LINGO2: variants seen among roughly 807,000 people sequenced by gnomAD.
LINGO2 encodes leucine-rich repeat and immunoglobulin-like domain-containing nogo receptor-interacting protein 2.
LINGO2 carries 14 observed loss-of-function variants against 30.6 expected under a neutral mutation model. The ratio of observed to expected loss-of-function variants is 0.46; its 90% confidence interval spans 0.30 to 0.72. The LOEUF (loss-of-function observed/expected upper bound fraction) is 0.72. LINGO2 is among the 30% of genes least tolerant of loss of function. The pLI is 0.07. For missense variants in LINGO2, 729 were observed against 751.7 expected (o/e 0.97, Z 0.35); for synonymous variants, 317 against 288.5 (o/e 1.10, Z -1.00).
Position 28,017,843 on chromosome 9 carries a change from T to G in LINGO2, c.-86-5438A>C, listed in dbSNP as rs968343193. On this transcript the variant is annotated intron_variant, in intron 4 of 5. Transcript: ENST00000379992. ...CTACCAATGACATTCTTCTCAGAAT[T>G]GGAAAAAACTATTTTAAAATTCATA... Among the ~76,000 whole-genome samples the G allele has an allele frequency of 1.0e-3, 155 of 152,250 alleles. 1 individual carries two copies. Among genetic ancestry groups the G allele is most frequent in the African/African-American group, 3.7e-3 (153 of 41,550 alleles).
intron 5 of LINGO2, among the ~76,000 whole-genome samples, chr9:27,975,068 G>A (rs2118823484): frequency 6.6e-6 from 1 of 152,196 alleles, no homozygotes. Flanking sequence ...TCAGAGTGAG[G>A]ACCTAGAGGC....
chr9:28,536,429 T>C (rs1587820322), intron 1 of LINGO2, among the ~76,000 whole-genome samples: 1 of 152,192 alleles, frequency 6.6e-6, no homozygotes, highest in East Asian at 1.9e-4. Flanking sequence ...AAAAGTAAAA[T>C]CACTGCAAAA....
chr9:28,261,343 G>C (rs1301729397), intron 4 of LINGO2, among the ~76,000 whole-genome samples: 1 of 151,832 alleles, frequency 6.6e-6, no homozygotes, highest in African/African-American at 2.4e-5. Flanking sequence ...CTTAAATTCA[G>C]CCAGGAATAG....
chr9:29,173,946 AT>A, the LINGO2 span, among the ~76,000 whole-genome samples: 3 of 151,968 alleles, frequency 2.0e-5, no homozygotes, highest in Non-Finnish European at 2.9e-5. Context: ...TTTCAAGAAT[AT>A]TTTTCCCTTC....
At chr9:28,398,155 A>G (rs1455219159) in intron 2 of LINGO2, among the ~76,000 whole-genome samples, 1 of 152,180 alleles carries the variant, frequency 6.6e-6, no homozygotes, top group East Asian at 1.9e-4. Context: ...GACAGAAATT[A>G]TCTGCATAAC....
chr9:28,004,554 C>T (rs750231147), intron 5 of LINGO2, among the ~76,000 whole-genome samples: 2 of 151,986 alleles, frequency 1.3e-5, no homozygotes, highest in African/African-American at 2.4e-5. Context: ...CAATTAACTG[C>T]GTTGATGGTA....
At chr9:28,090,961 A>G (rs1349319144) in intron 4 of LINGO2, among the ~76,000 whole-genome samples, 3 of 152,304 alleles carry the variant, frequency 2.0e-5, no homozygotes, top group Admixed American at 2.0e-4. Context: ...ACTCCCATTC[A>G]CAATTGTTTC....
Position 28,130,392 on chromosome 9 carries a change from A to G in LINGO2, c.-86-117987T>C, listed in dbSNP as rs1487728689. Among the ~76,000 whole-genome samples the G allele has an allele frequency of 1.3e-5, 2 of 152,234 alleles. No individual in the cohort carries two copies. Among genetic ancestry groups the G allele is most frequent in the Non-Finnish European group, 2.9e-5 (2 of 68,042 alleles). On this transcript the variant is annotated intron_variant, in intron 4 of 5. Coordinates refer to ENST00000379992, the Ensembl canonical transcript of LINGO2. This position sits in a 1 kb window ranked among gnomAD's most constrained non-coding sequence, Gnocchi z 5.2. ...TTTAAACATTCACAAGGACAGAGCT[A>G]TGTTGGGAGACAGTGCCAGACTGCT...
intron 1 of LINGO2, among the ~76,000 whole-genome samples, chr9:28,612,020 C>T (rs1454441930): frequency 6.6e-6 from 1 of 151,844 alleles, no homozygotes; most frequent in Non-Finnish European, 1.5e-5. Flanking sequence ...CAGGGTTCCT[C>T]GGCCTCCCAA....
the LINGO2 span, among the ~76,000 whole-genome samples, chr9:28,751,947 C>T: frequency 7.2e-5 from 11 of 151,884 alleles, no homozygotes; most frequent in Non-Finnish European, 1.5e-5. Flanking sequence ...CCTTTGTTAC[C>T]ATCCATGGAA....
intron 2 of LINGO2, among the ~76,000 whole-genome samples, chr9:28,463,655 T>C (rs987421797): frequency 3.3e-5 from 5 of 152,098 alleles, no homozygotes; most frequent in African/African-American, 1.2e-4. Context: ...TGTGCATGTT[T>C]GTGCTGTTGT....
the LINGO2 span, among the ~76,000 whole-genome samples, chr9:29,152,563 C>G: frequency 6.6e-6 from 1 of 152,132 alleles, no homozygotes; most frequent in Non-Finnish European, 1.5e-5. Context: ...AAACTTTATA[C>G]CACACATTTT....
chr9:29,203,576 A>G, the LINGO2 span, among the ~76,000 whole-genome samples: 28 of 152,314 alleles, frequency 1.8e-4, no homozygotes, highest in African/African-American at 6.7e-4. Context: ...CAGGAATCCA[A>G]TCACACTAAT....
the LINGO2 span, among the ~76,000 whole-genome samples, chr9:28,911,881 A>C: frequency 6.6e-6 from 1 of 152,096 alleles, no homozygotes; most frequent in African/African-American, 2.4e-5. Context: ...ATTACTTTAA[A>C]AGTCATATTA....
At chr9:29,164,440 T>C in the LINGO2 span, among the ~76,000 whole-genome samples, 4 of 152,172 alleles carry the variant, frequency 2.6e-5, no homozygotes, top group African/African-American at 9.7e-5. Context: ...GGTGTTTGTT[T>C]TGAAATAAGC....
At chr9:29,050,137 C>T in the LINGO2 span, among the ~76,000 whole-genome samples, 10 of 151,928 alleles carry the variant, frequency 6.6e-5, no homozygotes, top group South Asian at 4.2e-4. Context: ...GCAATTCTCC[C>T]GCCTCAGCCT....
chr9:28,505,635 T>G (rs1820078168), intron 1 of LINGO2, among the ~76,000 whole-genome samples: 1 of 151,864 alleles, frequency 6.6e-6, no homozygotes, highest in African/African-American at 2.4e-5. Flanking sequence ...TCCCAAGAGT[T>G]TACAAACAAT....
At chr9:28,577,390 C>T (rs960007658) in intron 1 of LINGO2, among the ~76,000 whole-genome samples, 3 of 152,132 alleles carry the variant, frequency 2.0e-5, no homozygotes, top group Non-Finnish European at 4.4e-5. Flanking sequence ...TCCTGTGGCC[C>T]TCACGTGTAA....
In LINGO2 at chr9:28,039,506, GGTGT is replaced by G. The variant is rs144564189; in HGVS notation, c.-86-27105_-86-27102del. On this transcript the variant is annotated intron_variant, in intron 4 of 5. Transcript: ENST00000379992. ...GTTGCCTTGAAGGATGAGTGTAACA[GGTGT>G]GTGTGTGTGTATGTAAAAAGATGAG... 2.6e-5 allele frequency among the ~76,000 whole-genome samples: 4 copies of G among 151,648 alleles called. No individual in the cohort carries two copies. The East Asian group carries it at 5.8e-4, about 22-fold the overall frequency.
Sources: gnomAD v4.1 joint callset for allele counts (sites outside exome capture counted in the v4.1 genomes callset) on GRCh38, gnomAD v4.1.1 for gene constraint, Gnocchi (gnomAD v3.1) non-coding constraint, MANE v1.5 for transcripts, NCBI Gene and HGNC (gene_info 2026-07-23, HGNC 2026-07-21) for gene names.